SVEP1: variants seen among roughly 807,000 people sequenced by gnomAD.
SVEP1 encodes sushi, von Willebrand factor type A, EGF and pentraxin domain containing 1.
A neutral mutation model predicts 367.3 loss-of-function variants in SVEP1; 164 were observed. The observed-to-expected ratio is 0.45, with a 90% CI of 0.39 to 0.51. SVEP1 has a LOEUF of 0.51. Ranked by LOEUF, SVEP1 falls within the 20% of genes least tolerant of loss-of-function variation. SVEP1 has a pLI of 0.00. For missense variants in SVEP1, 4,117 were observed against 4,425.3 expected, an observed-to-expected ratio of 0.93 and a Z score of 1.98; for synonymous variants, 1,666 against 1,611.6, an observed-to-expected ratio of 1.03 and a Z score of -0.81.
rs372398671 is a variant in SVEP1 at position 110,541,490 on chromosome 9, ACC to A, written c.964+4623_964+4624del. Among the ~76,000 whole-genome samples, 47 of 152,266 alleles carry A rather than the reference ACC, an allele frequency of 3.1e-4. No homozygotes were observed. In the South Asian group the frequency reaches 8.5e-3, roughly 28 times the overall value. The stretch of plus-strand genomic sequence containing the variant: ...TGCACTGGTGAATGCACAGGATAAT[ACC>A]CCTAGTCTAGCCTAGAACAGTAGAA... On this transcript the variant is annotated intron_variant, in intron 3 of 47. Coordinates refer to ENST00000374469, the MANE Select transcript of SVEP1 (RefSeq NM_153366.4).
In SVEP1 at chr9:110,406,307, C is replaced by T. The variant is rs73655342; in HGVS notation, c.9293G>A (p.Gly3098Asp). ...CTCTGTACAAATCAGATCTGAACTG[C>T]CTTGTATGACATATCCAGACCTGCA... ...YSCRSGYVIQ[G>D]SSDLICTEKG... The change falls in exon 38 of 48, where the codon GGC becomes GAC. Residue 3098 changes from glycine (G) to aspartate (D), a missense_variant. Physicochemically the swap from Gly to Asp is moderately conservative, Grantham distance 94 (BLOSUM62 -1). Around this residue, in one of 4 missense-constraint regions of SVEP1, gnomAD observed 1,765 missense variants for 1,781.1 expected, o/e 0.99. Transcript: ENST00000374469. 4.7e-3 allele frequency: 7,613 copies of T among 1,614,020 alleles called. 288 individuals carry two copies. The African/African-American group carries it at 0.087, about 18-fold the overall frequency.
In SVEP1 at chr9:110,408,610, T is replaced by G; in HGVS notation, c.6990A>C (p.Glu2330Asp). The stretch of plus-strand genomic sequence containing the variant: ...TCAACTCCTTTAATACTAGCTGGTT[T>G]TCCAAGAGGGGCGGCTCTGGGCACT... ...PAKCPEPPLL[E>D]NQLVLKELTT... The change falls in exon 38 of 48, where the codon GAA becomes GAC. Residue 2330 changes from glutamate to aspartate, a missense_variant. Transcript: ENST00000374469. 1 of 1,613,990 alleles carries G rather than the reference T, an allele frequency of 6.2e-7. No homozygotes were observed. The highest frequency in any genetic ancestry group is 8.5e-7 in the Non-Finnish European group (1 of 1,179,898).
chr9:110,401,045 G>A, intron 39 of SVEP1, 36 bp from the exon 40 acceptor site: 1 of 1,608,906 alleles, frequency 6.2e-7, no homozygotes, highest in Non-Finnish European at 8.5e-7. Flanking sequence ...GTTATGTTTA[G>A]AAGTTAATAC....
At chr9:110,430,709 C>T (rs1250492731) in intron 32 of SVEP1, among the ~76,000 whole-genome samples, 6 of 152,166 alleles carry the variant, frequency 3.9e-5, no homozygotes, top group East Asian at 1.9e-4. Flanking sequence ...CAAAGGTAGG[C>T]GCTCATTGGG....
chr9:110,410,799 A>G (rs1345200151), intron 37 of SVEP1, among the ~76,000 whole-genome samples: 1 of 152,206 alleles, frequency 6.6e-6, no homozygotes, highest in Non-Finnish European at 1.5e-5. Flanking sequence ...AAGTGATGAA[A>G]GCCACAGAGC....
At chr9:110,389,794 C>CCGGTATAATTAAGGTACAGACTT (rs1314426908) in intron 40 of SVEP1, among the ~76,000 whole-genome samples, 50 of 151,896 alleles carry the variant, frequency 3.3e-4, no homozygotes, top group Non-Finnish European at 6.0e-4. Context: ...CTCTGGCAGA[C>CCGGTATAATTAAGGTACAGACTT]CGGTATAATT....
intron 28 of SVEP1, among the ~76,000 whole-genome samples, chr9:110,436,089 T>C (rs1828427404): frequency 6.6e-6 from 1 of 152,082 alleles, no homozygotes; most frequent in Non-Finnish European, 1.5e-5. Context: ...TTTCTCCTGC[T>C]TCTTTGGTGA....
chr9:110,408,652 T>A lies in SVEP1; in HGVS notation c.6948A>T (p.Pro2316=). 6.2e-7 allele frequency: 1 copy of A among 1,614,024 alleles called. No homozygotes were observed. The highest frequency in any genetic ancestry group is 8.5e-7 in the Non-Finnish European group (1 of 1,179,898). Residue 2316 remains proline (P), a synonymous_variant, in exon 38 of 48, where the codon CCA becomes CCT. Coordinates refer to ENST00000374469, the MANE Select transcript of SVEP1 (RefSeq NM_153366.4). ...CTGGGCACTTGGCAGGCATGCACTT[T>A]GGATTTGACTTCTTATTCCATTTGC... ...KSGKWNKKSN[P]KCMPAKCPEP...
intron 3 of SVEP1, among the ~76,000 whole-genome samples, chr9:110,540,471 T>C (rs923313889): frequency 6.6e-6 from 1 of 152,000 alleles, no homozygotes; most frequent in Non-Finnish European, 1.5e-5. Flanking sequence ...AACAGCAAAA[T>C]ACCAATGCTT....
chr9:110,440,978 G>A (rs536339682), intron 27 of SVEP1, among the ~76,000 whole-genome samples: 2 of 152,300 alleles, frequency 1.3e-5, no homozygotes, highest in South Asian at 2.1e-4. Flanking sequence ...ATTTTAACTC[G>A]TCCGGAATTC....
intron 40 of SVEP1, among the ~76,000 whole-genome samples, chr9:110,392,424 G>A (rs1013447916): frequency 6.6e-6 from 1 of 151,988 alleles, no homozygotes; most frequent in Non-Finnish European, 1.5e-5. Context: ...TGTGTGTGTG[G>A]TGGAGGTGGG....
chr9:110,516,949 C>T (rs1051087867), intron 3 of SVEP1, among the ~76,000 whole-genome samples: 1 of 151,874 alleles, frequency 6.6e-6, no homozygotes, highest in Non-Finnish European at 1.5e-5. Context: ...ATATTGCAAG[C>T]TTATAGGAAA....
intron 42 of SVEP1, 62 bp from the exon 43 acceptor site, chr9:110,386,136 G>C (rs896137988): frequency 3.5e-5 from 55 of 1,552,202 alleles, no homozygotes; most frequent in Non-Finnish European, 4.6e-5. Flanking sequence ...GTATTTCTTT[G>C]AAGGTGGAGT....
intron 6 of SVEP1, among the ~76,000 whole-genome samples, chr9:110,502,577 T>C (rs1331490887): frequency 1.3e-5 from 2 of 152,246 alleles, no homozygotes; most frequent in Non-Finnish European, 2.9e-5. Context: ...GCAGTTGTTT[T>C]ATTTTCCTAA....
At position 110,406,942 on chromosome 9, in the gene SVEP1, ACAGT is replaced by A; in HGVS notation, c.8654_8657del (p.Asp2885ValfsTer16). 1 of 1,613,878 alleles carries A rather than the reference ACAGT, an allele frequency of 6.2e-7. No homozygotes were observed. The highest frequency in any genetic ancestry group is 8.5e-7 in the Non-Finnish European group (1 of 1,179,864). ...GCGGGGTGGCACATCTGACAGGCAC[ACAGT>A]CGGGAGTGGCTCCACTCCAACTTCC... On this transcript the variant is annotated frameshift_variant, in exon 38 of 48. Coordinates refer to ENST00000374469, the MANE Select transcript of SVEP1 (RefSeq NM_153366.4). LOFTEE classifies it high-confidence loss of function.
chr9:110,379,535 A>C lies in SVEP1; in HGVS notation c.10238-18T>G. 6.2e-7 allele frequency: 1 copy of C among 1,612,024 alleles called. No homozygotes were observed. ...TGAGATTTCTACAGGATAACAAAAC[A>C]ACAATTAAGCTTGTGCTATTAACAC... On this transcript the variant is annotated intron_variant, in intron 43 of 47. Coordinates refer to ENST00000374469, the MANE Select transcript of SVEP1 (RefSeq NM_153366.4).
At position 110,443,628 on chromosome 9, in the gene SVEP1, C is replaced by G; in HGVS notation, c.4556G>C (p.Ser1519Thr). The change falls in exon 27 of 48, where the codon AGT becomes ACT. Residue 1519 changes from serine to threonine, a missense_variant. Ser to Thr is a moderately conservative substitution (Grantham distance 58). Transcript: ENST00000374469. The part of the protein sequence containing the change: ...RWHHIAITWT[S>T]ANGIWKVYID... ...ATAGACTTTCCAGATGCCATTGGCA[C>G]TTGTCCAAGTGATTGCAATATGATG... 6.2e-7 allele frequency: 1 copy of G among 1,613,546 alleles called. No individual in the cohort carries two copies. Among genetic ancestry groups the G allele is most frequent in the Non-Finnish European group, 8.5e-7 (1 of 1,179,744 alleles).
At chr9:110,529,181 G>C (rs1345046392) in intron 3 of SVEP1, among the ~76,000 whole-genome samples, 1 of 151,942 alleles carries the variant, frequency 6.6e-6, no homozygotes, top group Non-Finnish European at 1.5e-5. Context: ...AACATCAGTT[G>C]GTTGTATTTA....
At chr9:110,449,660 G>A (rs1828662562) in intron 24 of SVEP1, among the ~76,000 whole-genome samples, 2 of 152,148 alleles carry the variant, frequency 1.3e-5, no homozygotes, top group African/African-American at 4.8e-5. Context: ...TCCAGCCTGG[G>A]AGACAAGAGC....
Sources: gnomAD v4.1 joint callset for allele counts (sites outside exome capture counted in the v4.1 genomes callset) on GRCh38, gnomAD v4.1.1 for gene constraint, gnomAD v4.1.1 regional missense constraint, MANE v1.5 for transcripts, NCBI Gene and HGNC (gene_info 2026-07-23, HGNC 2026-07-21) for gene names.